TENM3: variants seen among roughly 807,000 people sequenced by gnomAD.
TENM3 encodes the protein teneurin-3.
A neutral mutation model predicts 255.1 loss-of-function variants in TENM3; 63 were observed. The observed-to-expected ratio is 0.25, with a 90% CI of 0.20 to 0.30. TENM3 has a LOEUF of 0.30. TENM3 is among the 10% of genes least tolerant of loss of function. The pLI is 1.00. For missense variants in TENM3, 2,929 were observed against 3,461.1 expected (o/e 0.85, Z 3.86); for synonymous variants, 1,306 against 1,322.3 (o/e 0.99, Z 0.27).
chr4:182,567,259 A>G (rs911804152), intron 3 of TENM3, among the ~76,000 whole-genome samples: 2 of 152,112 alleles, frequency 1.3e-5, no homozygotes, highest in African/African-American at 4.8e-5. Flanking sequence ...TGTCCTCTTT[A>G]TTGCCAGCAC....
At chr4:181,938,684 C>T in the TENM3 span, among the ~76,000 whole-genome samples, 1 of 152,200 alleles carries the variant, frequency 6.6e-6, no homozygotes, top group Non-Finnish European at 1.5e-5. Context: ...GCATCCCCCA[C>T]CTCGTGCCCA....
At chr4:181,793,875 T>C in the TENM3 span, among the ~76,000 whole-genome samples, 1 of 152,204 alleles carries the variant, frequency 6.6e-6, no homozygotes, top group Admixed American at 6.5e-5. Context: ...GTGTTTTCAG[T>C]TCATTTGTTT....
At chr4:182,410,996 T>TC (rs1163149808) in intron 3 of TENM3, among the ~76,000 whole-genome samples, 1 of 152,204 alleles carries the variant, frequency 6.6e-6, no homozygotes, top group Admixed American at 6.5e-5. Flanking sequence ...TCATATTTCC[T>TC]CCCTTGTCAT....
chr4:182,014,869 G>A, the TENM3 span, among the ~76,000 whole-genome samples: 1 of 152,108 alleles, frequency 6.6e-6, no homozygotes, highest in East Asian at 1.9e-4. Flanking sequence ...GACATGCAGA[G>A]AGATTAGCAA....
At chr4:181,696,065 G>A in the TENM3 span, among the ~76,000 whole-genome samples, 3 of 152,176 alleles carry the variant, frequency 2.0e-5, no homozygotes, top group East Asian at 3.9e-4. Flanking sequence ...AGCCGGACAC[G>A]CGTTTGTATT....
At chr4:181,464,167 C>T in the TENM3 span, among the ~76,000 whole-genome samples, 1 of 152,068 alleles carries the variant, frequency 6.6e-6, no homozygotes, top group Non-Finnish European at 1.5e-5. Context: ...GATATATGTC[C>T]AGAAGCAGAA....
At chr4:182,666,797 G>T (rs1347178575) in intron 6 of TENM3, among the ~76,000 whole-genome samples, 3 of 152,062 alleles carry the variant, frequency 2.0e-5, no homozygotes, top group Non-Finnish European at 4.4e-5. Flanking sequence ...CACTTGGGAA[G>T]CTGAGGTAGG....
chr4:181,649,104 A>G, the TENM3 span, among the ~76,000 whole-genome samples: 2 of 152,350 alleles, frequency 1.3e-5, no homozygotes, highest in African/African-American at 4.8e-5. Context: ...GCATTTAAGT[A>G]TCATTTTTAC....
chr4:181,842,648 G>A, the TENM3 span, among the ~76,000 whole-genome samples: 1 of 152,194 alleles, frequency 6.6e-6, no homozygotes, highest in African/African-American at 2.4e-5. Context: ...GAGGTCACCT[G>A]AGCATAATCA....
the TENM3 span, among the ~76,000 whole-genome samples, chr4:181,537,205 T>C: frequency 1.3e-5 from 2 of 152,338 alleles, no homozygotes; most frequent in East Asian, 3.9e-4. Flanking sequence ...TCTACACCTT[T>C]GACATCACTT....
chr4:181,906,149 G>A, the TENM3 span: 1 of 281,346 alleles, frequency 3.6e-6, no homozygotes. Context: ...TGTATAAACA[G>A]TAAGCAGCCA....
At chr4:181,615,407 C>T in the TENM3 span, among the ~76,000 whole-genome samples, 2 of 152,188 alleles carry the variant, frequency 1.3e-5, no homozygotes, top group African/African-American at 4.8e-5. Flanking sequence ...ATCCCACGCC[C>T]GTTCAACTAC....
intron 12 of TENM3, among the ~76,000 whole-genome samples, chr4:182,706,193 A>C (rs1758268332): frequency 6.6e-6 from 1 of 152,100 alleles, no homozygotes; most frequent in Non-Finnish European, 1.5e-5. Context: ...TATAACGTTT[A>C]TTTAGAATAT....
chr4:182,545,679 G>C (rs115506030), intron 3 of TENM3, among the ~76,000 whole-genome samples: 2,595 of 152,048 alleles, frequency 0.017, 91 homozygotes, highest in African/African-American at 0.059. Flanking sequence ...AGAAGACTCT[G>C]CCCCTGTCAA....
At chr4:182,798,902 A>G (rs1766689964) in intron 27 of TENM3, among the ~76,000 whole-genome samples, 1 of 152,248 alleles carries the variant, frequency 6.6e-6, no homozygotes, top group Non-Finnish European at 1.5e-5. Context: ...ATCTGGTGGT[A>G]TAAGAAATGG....
rs538184903 is a variant in TENM3, at chr4:182,679,649, C to G, written c.1327-17C>G. 5 of 1,593,632 alleles carry G rather than the reference C, an allele frequency of 3.1e-6. No individual in the cohort carries two copies. The African/African-American group carries it at 5.4e-5, about 17-fold the overall frequency. On this transcript the variant is annotated splice_polypyrimidine_tract_variant and intron_variant, in intron 7 of 27. Transcript: ENST00000511685. ...ACCCTTTATCTTTCTGACTATTTTT[C>G]CTCGTCCTCCCCCCAGTATGACTTC...
the TENM3 span, among the ~76,000 whole-genome samples, chr4:181,649,463 C>T: frequency 4.6e-5 from 7 of 152,336 alleles, no homozygotes; most frequent in Admixed American, 4.6e-4. Context: ...GGCAGTATTA[C>T]ATGCCATTAG....
At chr4:181,752,120 C>A in the TENM3 span, among the ~76,000 whole-genome samples, 24 of 152,186 alleles carry the variant, frequency 1.6e-4, no homozygotes, top group Non-Finnish European at 2.9e-4. Context: ...AAGGCCATTG[C>A]TTTTGATATT....
chr4:181,509,152 T>G, the TENM3 span, among the ~76,000 whole-genome samples: 1 of 151,954 alleles, frequency 6.6e-6, no homozygotes, highest in Non-Finnish European at 1.5e-5. Context: ...TAAGCAAAGG[T>G]GTAAACTGAA....
Sources: allele counts gnomAD v4.1 joint callset (sites outside exome capture counted in the v4.1 genomes callset), GRCh38; gene constraint gnomAD v4.1.1; transcripts MANE v1.5; gene names NCBI Gene and HGNC (gene_info 2026-07-23, HGNC 2026-07-21).